Variants in CYP4X1 observed in about 807,000 individuals in gnomAD.
CYP4X1 encodes the protein cytochrome P450 4X1.
CYP4X1 carries 44 observed loss-of-function variants against 57.9 expected under a neutral mutation model. That is an observed-to-expected ratio of 0.76 (90% CI 0.60 to 0.98). The LOEUF (loss-of-function observed/expected upper bound fraction) is 0.98. Ranked by LOEUF, CYP4X1 falls within the 50% of genes least tolerant of loss-of-function variation. The pLI, the probability that CYP4X1 is intolerant of heterozygous loss-of-function variation, is 0.00. For synonymous variants in CYP4X1, 227 were observed against 228.6 expected, an observed-to-expected ratio of 0.99 and a Z score of 0.06; for missense variants, 532 against 623.9, an observed-to-expected ratio of 0.85 and a Z score of 1.57.
At chr1:47,031,375 T>G in intron 2 of CYP4X1, 61 bp from the exon 3 acceptor site, 8 of 1,589,584 alleles carry the variant, frequency 5.0e-6, no homozygotes, top group Non-Finnish European at 6.9e-6. Context: ...GTCACCAACT[T>G]GAACTGATAA....
chr1:47,043,979 G>A (rs1644274754), intron 8 of CYP4X1, among the ~76,000 whole-genome samples: 1 of 152,110 alleles, frequency 6.6e-6, no homozygotes, highest in Non-Finnish European at 1.5e-5. Context: ...CACTCTATGT[G>A]TGTTCTTAAA....
At chr1:47,009,701 A>C in the CYP4X1 span, among the ~76,000 whole-genome samples, 1 of 152,218 alleles carries the variant, frequency 6.6e-6, no homozygotes, top group Non-Finnish European at 1.5e-5. Context: ...AGAATCAAAT[A>C]GATGCAATAA....
the CYP4X1 span, among the ~76,000 whole-genome samples, chr1:46,988,519 T>A: frequency 6.6e-6 from 1 of 152,202 alleles, no homozygotes; most frequent in South Asian, 2.1e-4. Context: ...AGAGACTCCT[T>A]GCTAAGTCTT....
At chr1:47,016,528 A>G in the CYP4X1 span, among the ~76,000 whole-genome samples, 1 of 151,966 alleles carries the variant, frequency 6.6e-6, no homozygotes, top group East Asian at 1.9e-4. Context: ...TTTTTAGTAG[A>G]GACGGGGTTT....
chr1:46,965,930 T>C, the CYP4X1 span, among the ~76,000 whole-genome samples: 4 of 152,190 alleles, frequency 2.6e-5, no homozygotes, highest in African/African-American at 7.2e-5. Flanking sequence ...CAGGGAGATC[T>C]CACTCAGTGA....
At chr1:47,009,588 C>T in the CYP4X1 span, among the ~76,000 whole-genome samples, 1 of 151,950 alleles carries the variant, frequency 6.6e-6, no homozygotes, top group Non-Finnish European at 1.5e-5. Flanking sequence ...AATAGAGACA[C>T]AAAAAACCCT....
chr1:47,014,709 T>C, the CYP4X1 span, among the ~76,000 whole-genome samples: 1 of 152,244 alleles, frequency 6.6e-6, no homozygotes, highest in Non-Finnish European at 1.5e-5. Context: ...CACTGGATGA[T>C]CCTGGTTTCC....
intron 8 of CYP4X1, 53 bp from the exon 9 acceptor site, chr1:47,046,414 A>G: frequency 6.2e-7 from 1 of 1,602,198 alleles, no homozygotes; most frequent in South Asian, 1.1e-5. Flanking sequence ...GAAAACAGAA[A>G]AAAAGTAAAC....
upstream of CYP4X1, among the ~76,000 whole-genome samples, chr1:47,022,871 G>A (rs1644013824): frequency 6.6e-6 from 1 of 152,186 alleles, no homozygotes; most frequent in South Asian, 2.1e-4. Flanking sequence ...GGAGGTGGGG[G>A]GAGACACCAG....
the CYP4X1 span, among the ~76,000 whole-genome samples, chr1:46,968,253 A>G: frequency 2.6e-5 from 4 of 152,114 alleles, no homozygotes; most frequent in African/African-American, 9.7e-5. Context: ...CTGTAGCCTT[A>G]TAATTCTACT....
chr1:46,972,676 T>C, the CYP4X1 span, among the ~76,000 whole-genome samples: 1,371 of 152,252 alleles, frequency 9.0e-3, 22 homozygotes, highest in African/African-American at 0.032. Context: ...TATTCCTAGG[T>C]ATTTTATTCT....
chr1:47,027,463 C>T lies in CYP4X1; in HGVS notation c.178-2527C>T, dbSNP rs974609041. Among the ~76,000 whole-genome samples, 6 of 152,262 alleles carry T rather than the reference C, an allele frequency of 3.9e-5. No individual in the cohort carries two copies. The South Asian group carries it at 8.3e-4, about 21-fold the overall frequency. ...ATCAAATCAGGGTGTTTAGGGTATT[C>T]ATCACTTCTAACATTTATTATTTAT... is the stretch of plus-strand genomic sequence containing the variant. On this transcript the variant is annotated intron_variant, in intron 1 of 11. Coordinates refer to ENST00000371901, the MANE Select transcript of CYP4X1 (RefSeq NM_178033.2).
intron 10 of CYP4X1, among the ~76,000 whole-genome samples, 199 bp downstream of exon 10, chr1:47,048,828 T>C (rs1321196143): frequency 6.6e-6 from 1 of 152,260 alleles, no homozygotes; most frequent in Non-Finnish European, 1.5e-5. Flanking sequence ...ATTTCTTTCA[T>C]GTAAGCCACT....
At chr1:47,022,271 C>T (rs1644005220), upstream of CYP4X1, among the ~76,000 whole-genome samples, 1 of 150,404 alleles carries the variant, frequency 6.6e-6, no homozygotes, top group South Asian at 2.1e-4. Context: ...AGTCACCACC[C>T]CTGGGGCCTG....
upstream of CYP4X1, among the ~76,000 whole-genome samples, chr1:47,022,649 G>A (rs1283378017): frequency 2.0e-5 from 3 of 152,136 alleles, no homozygotes; most frequent in Admixed American, 6.5e-5. Flanking sequence ...AGAGTGGAGC[G>A]TAGGCTTAAG....
At chr1:46,962,197 G>A in the CYP4X1 span, among the ~76,000 whole-genome samples, 1 of 151,936 alleles carries the variant, frequency 6.6e-6, no homozygotes, top group Non-Finnish European at 1.5e-5. Context: ...GCTCACTGCA[G>A]CCTCCGCCTC....
the CYP4X1 span, among the ~76,000 whole-genome samples, chr1:46,984,782 C>T: frequency 6.6e-6 from 1 of 152,182 alleles, no homozygotes; most frequent in African/African-American, 2.4e-5. Context: ...AGTGGGTGGA[C>T]ATTTGGACAG....
intron 11 of CYP4X1, 68 bp downstream of exon 11, chr1:47,049,572 G>C: frequency 1.5e-6 from 2 of 1,330,882 alleles, no homozygotes; most frequent in Non-Finnish European, 1.1e-6. Flanking sequence ...ATTCCTTTCA[G>C]CTCCTCAGCT....
At chr1:46,968,771 G>A in the CYP4X1 span, among the ~76,000 whole-genome samples, 1 of 152,156 alleles carries the variant, frequency 6.6e-6, no homozygotes, top group African/African-American at 2.4e-5. Flanking sequence ...TATATAACAC[G>A]TTTTGTCCTT....
Sources: allele counts gnomAD v4.1 joint callset (sites outside exome capture counted in the v4.1 genomes callset), GRCh38; gene constraint gnomAD v4.1.1; transcripts MANE v1.5; gene names NCBI Gene and HGNC (gene_info 2026-07-23, HGNC 2026-07-21).